The following PGD variants were observed in gnomAD, a reference collection of about 807,000 sequenced individuals.
PGD encodes phosphogluconate dehydrogenase.
Under a neutral mutation model 60.4 loss-of-function variants are expected in PGD, and 21 were observed. That is an observed-to-expected ratio of 0.35 (90% CI 0.25 to 0.50). The LOEUF (loss-of-function observed/expected upper bound fraction) is 0.50, where lower values mean the gene tolerates loss of function less well. Ranked by LOEUF, PGD falls within the 20% of genes least tolerant of loss-of-function variation. The probability of loss-of-function intolerance (pLI) is 0.98; values close to 1 mark genes in which losing one functional copy is unlikely to be tolerated. For missense variants in PGD, 477 were observed against 613.1 expected, an observed-to-expected ratio of 0.78 and a Z score of 2.34; for synonymous variants, 230 against 235.9, an observed-to-expected ratio of 0.97 and a Z score of 0.23.
chr1:10,411,393 C>T (rs766398136), intron 6 of PGD, 25 bp from the exon 7 acceptor site: 6 of 1,612,138 alleles, frequency 3.7e-6, no homozygotes, highest in Non-Finnish European at 5.1e-6. Flanking sequence ...CTCTGAAGGC[C>T]TCTTGGTGCT....
At chr1:10,418,402 A>G (rs1639632274) in intron 10 of PGD, among the ~76,000 whole-genome samples, 1 of 152,214 alleles carries the variant, frequency 6.6e-6, no homozygotes, top group East Asian at 1.9e-4. Flanking sequence ...AAGGGTTAAC[A>G]GCTTGAAGAA....
intron 5 of PGD, among the ~76,000 whole-genome samples, chr1:10,406,110 C>T (rs1639400059): frequency 6.6e-6 from 1 of 152,190 alleles, no homozygotes. Flanking sequence ...GCCTCAGCCT[C>T]CCAAAGTGCT....
At chr1:10,412,243 C>T (rs1337060096) in intron 7 of PGD, among the ~76,000 whole-genome samples, 1 of 152,218 alleles carries the variant, frequency 6.6e-6, no homozygotes, top group African/African-American at 2.4e-5. Flanking sequence ...ATTCACCCGC[C>T]ATTTTTTGGA....
rs996203608 is a variant in PGD at position 10,400,592 on chromosome 1, C to T, written c.264+20C>T. ...AAATTGGTGAGGCCAGCTGTGCTCT[C>T]AGCTGCTACCACGATAGCAGCTGTT... On this transcript the variant is annotated intron_variant, in intron 3 of 12. Transcript: ENST00000270776. The T allele has an allele frequency of 3.8e-6, 6 of 1,583,348 alleles. No individual in the cohort carries two copies. In the Admixed American group the frequency reaches 7.3e-5, roughly 19 times the overall value.
In PGD at chr1:10,419,626, C is replaced by G. The variant is rs1243310022; in HGVS notation, c.1333-4C>G. On this transcript the variant is annotated splice_region_variant and splice_polypyrimidine_tract_variant and intron_variant, in intron 12 of 12. Coordinates refer to ENST00000270776, the MANE Select transcript of PGD (RefSeq NM_002631.4). ...CCTGACCAACCTACTCTCTCGTTTC[C>G]TAGGCTCAGCGGGATTACTTCGGGG... The G allele has an allele frequency of 6.2e-7, 1 of 1,614,164 alleles. No individual in the cohort carries two copies. Among genetic ancestry groups the G allele is most frequent in the South Asian group, 1.1e-5 (1 of 91,090 alleles).
chr1:10,413,138 A>T lies in PGD; in HGVS notation c.731A>T (p.Asp244Val), dbSNP rs1457843569. The T allele has an allele frequency of 5.0e-6, 8 of 1,614,078 alleles. 1 individual carries two copies. Among genetic ancestry groups the T allele is most frequent in the Non-Finnish European group, 6.8e-6 (8 of 1,180,020 alleles). ...EITANILKFQ[D>V]TDGKHLLPKI... is the part of the protein sequence containing the mutation. ...ACAGCCAATATTCTCAAGTTCCAAG[A>T]CACCGATGGCAAACACCTGCTGCCA... Residue 244 changes from aspartate (D) to valine (V), a missense_variant, in exon 8 of 13, where the codon GAC (aspartate) becomes GTC (valine). Coordinates refer to ENST00000270776, the MANE Select transcript of PGD (RefSeq NM_002631.4).
In PGD at chr1:10,402,248, A is replaced by G. The variant is rs1167412140; in HGVS notation, c.265-823A>G. On this transcript the variant is annotated intron_variant, in intron 3 of 12. Transcript: ENST00000270776. ...AGTGTTTAATCTGTATACTTACTTA[A>G]AAATAGAAATGGGGTCTTGCTATGC... Among the ~76,000 whole-genome samples, 4 of 152,196 alleles carry G rather than the reference A, an allele frequency of 2.6e-5. No individual in the cohort carries two copies. The East Asian group carries it at 7.8e-4, about 30-fold the overall frequency.
At chr1:10,407,989 C>G (rs547223241) in intron 5 of PGD, 82 bp from the exon 6 acceptor site, 4 of 805,924 alleles carry the variant, frequency 5.0e-6, no homozygotes, top group Admixed American at 3.7e-5. Context: ...GGGTTGGTGT[C>G]TATGGGTATG....
At chr1:10,404,063 C>T (rs1288859264) in intron 4 of PGD, 98 bp from the exon 5 acceptor site, 3 of 814,740 alleles carry the variant, frequency 3.7e-6, no homozygotes, top group Non-Finnish European at 6.0e-6. Flanking sequence ...TCTTATACTT[C>T]CTCTCATTTA....
chr1:10,408,250 A>G, intron 6 of PGD, 110 bp downstream of exon 6: 1 of 725,364 alleles, frequency 1.4e-6, no homozygotes, highest in Admixed American at 1.9e-5. Context: ...TTGGTGACAT[A>G]AACGTCTCGA....
rs917305200 is a variant in PGD at position 10,417,379 on chromosome 1, C to G, written c.979C>G (p.Leu327Val). Reference protein sequence around the residue: ...KSFLEDIRKALYASKIISYAQ... With the variant: ...KSFLEDIRKAVYASKIISYAQ... ...AGGTCTCTGTGTCACTCTTTAGGCA[C>G]TCTACGCTTCCAAGATCATCTCTTA... Residue 327 changes from leucine to valine, a missense_variant, in exon 10 of 13, where the codon CTC becomes GTC. Leu to Val is a conservative substitution (Grantham distance 32). This residue lies in a region of PGD where 431 missense variants were observed against 556.6 expected (regional missense o/e 0.77). Transcript: ENST00000270776. The G allele has an allele frequency of 1.9e-6, 3 of 1,608,106 alleles. No homozygotes were observed. The highest frequency in any genetic ancestry group is 2.5e-6 in the Non-Finnish European group (3 of 1,177,294).
Position 10,417,081 on chromosome 1 carries a change from T to C in PGD, c.939T>C (p.Asp313=), listed in dbSNP as rs1393304087. ...AGGGTCCCCAGAAGTTCCAGTTTGA[T>C]GGTGATAAGAAATCATTCCTGGAGG... The part of the protein sequence containing the change: ...KLKGPQKFQF[D]GDKKSFLEDI... The change falls in exon 9 of 13, where the codon GAT becomes GAC. Residue 313 remains aspartate (D), a synonymous_variant. Coordinates refer to ENST00000270776, the MANE Select transcript of PGD (RefSeq NM_002631.4). The C allele has an allele frequency of 5.6e-6, 9 of 1,613,820 alleles. No individual in the cohort carries two copies. The highest frequency in any genetic ancestry group is 6.8e-6 in the Non-Finnish European group (8 of 1,179,872).
At chr1:10,407,832 G>T (rs561515952) in intron 5 of PGD, among the ~76,000 whole-genome samples, 1 of 151,984 alleles carries the variant, frequency 6.6e-6, no homozygotes, top group East Asian at 1.9e-4. Context: ...TGTAGTCTTA[G>T]CCACTTAGGG....
At chr1:10,407,145 CT>C (rs1452257664) in intron 5 of PGD, among the ~76,000 whole-genome samples, 1 of 152,134 alleles carries the variant, frequency 6.6e-6, no homozygotes, top group African/African-American at 2.4e-5. Context: ...GACCCCATCT[CT>C]GCACCACCAA....
In PGD at chr1:10,399,625, C is replaced by T; in HGVS notation, c.9-4C>T. 1.2e-6 allele frequency: 2 copies of T among 1,613,414 alleles called. No individual in the cohort carries two copies. Among genetic ancestry groups the T allele is most frequent in the Non-Finnish European group, 1.7e-6 (2 of 1,179,720 alleles). On this transcript the variant is annotated splice_region_variant and splice_polypyrimidine_tract_variant and intron_variant, in intron 1 of 12. Transcript: ENST00000270776. ...TTTCCTTTGTTCTGTTTCTGCCTCT[C>T]TAGAGCTGACATCGCGCTGATCGGA...
Position 10,419,651 on chromosome 1 carries a change from G to T in PGD, c.1354G>T (p.Ala452Ser). The T allele has an allele frequency of 6.2e-7, 1 of 1,614,196 alleles. No individual in the cohort carries two copies. Among genetic ancestry groups the T allele is most frequent in the Non-Finnish European group, 8.5e-7 (1 of 1,180,036 alleles). Residue 452 changes from alanine to serine, a missense_variant, in exon 13 of 13, where the codon GCT becomes TCT. By Grantham distance (99) the Ala-to-Ser change is moderately conservative. Transcript: ENST00000270776. The stretch of plus-strand genomic sequence containing the variant: ...CTAGGCTCAGCGGGATTACTTCGGG[G>T]CTCACACCTATGAACTCTTGGCCAA... ...LIQAQRDYFG[A>S]HTYELLAKPG...
At chr1:10,416,498 G>C (rs1363962753) in intron 8 of PGD, among the ~76,000 whole-genome samples, 1 of 152,178 alleles carries the variant, frequency 6.6e-6, no homozygotes, top group Non-Finnish European at 1.5e-5. Context: ...CTTTCTTCTG[G>C]TTGCTGTGCG....
intron 8 of PGD, among the ~76,000 whole-genome samples, chr1:10,414,357 C>CG (rs1363573092): frequency 6.6e-5 from 10 of 151,508 alleles, no homozygotes; most frequent in South Asian, 2.1e-4. Context: ...AAATCTTGGC[C>CG]GGGGGGGTGG....
At chr1:10,417,165 AGTGGGG>A in intron 9 of PGD, 48 bp downstream of exon 9, 1 of 1,606,378 alleles carries the variant, frequency 6.2e-7, no homozygotes, top group Non-Finnish European at 8.5e-7. Context: ...TGCGGAAGGC[AGTGGGG>A]GTGGGGGTTG....
Sources: gnomAD v4.1 joint callset for allele counts (sites outside exome capture counted in the v4.1 genomes callset) on GRCh38, gnomAD v4.1.1 for gene constraint, gnomAD v4.1.1 regional missense constraint, MANE v1.5 for transcripts, NCBI Gene and HGNC (gene_info 2026-07-23, HGNC 2026-07-21) for gene names.